ETV1: variants seen among roughly 807,000 people sequenced by gnomAD.
The protein encoded by ETV1 is ETS translocation variant 1.
ETV1 carries 27 observed loss-of-function variants against 62.3 expected under a neutral mutation model. The observed-to-expected ratio is 0.43, with a 90% confidence interval of 0.32 to 0.60. ETV1 has a LOEUF of 0.60. Ranked by LOEUF, ETV1 falls within the 20% of genes least tolerant of loss-of-function variation. ETV1 has a pLI of 0.06. For synonymous variants in ETV1, 222 were observed against 199.6 expected (o/e 1.11, Z -0.94); for missense variants, 605 against 605.8 (o/e 1.00, Z 0.01).
At chr7:13,909,357 G>T (rs1783317327) in intron 11 of ETV1, among the ~76,000 whole-genome samples, 1 of 152,120 alleles carries the variant, frequency 6.6e-6, no homozygotes, top group Non-Finnish European at 1.5e-5. Flanking sequence ...CAGGGCAATG[G>T]AAAGCCCCCT....
In ETV1 at chr7:13,942,020, C is replaced by CT. The variant is rs560415338; in HGVS notation, c.236-2775dup. On this transcript the variant is annotated intron_variant, in intron 6 of 13. Transcript: ENST00000430479. ...TTTGTAATACATTAACCATGCATTT[C>CT]TTTTTTTTTTTTTTTTTTTTTGAGA... Among the ~76,000 whole-genome samples, 766 of 99,740 alleles carry CT rather than the reference C, an allele frequency of 7.7e-3. 30 individuals are homozygous for CT. The highest frequency in any genetic ancestry group is 9.3e-3 in the Non-Finnish European group (492 of 52,826). 65.4% of individuals were successfully genotyped at this position (99,740 alleles called of 152,430 possible). A position where few individuals can be genotyped will look rare whatever the true frequency, so the allele number is the denominator to read the frequency against.
intron 6 of ETV1, among the ~76,000 whole-genome samples, chr7:13,950,899 A>AACAC (rs67539493): frequency 0.048 from 6,698 of 138,802 alleles, 247 homozygotes; most frequent in African/African-American, 0.11. Context: ...CTTCTCTAGG[A>AACAC]ACACACACAC....
chr7:13,922,617 C>T (rs1212891881), intron 9 of ETV1, among the ~76,000 whole-genome samples: 1 of 152,150 alleles, frequency 6.6e-6, no homozygotes, highest in East Asian at 1.9e-4. Flanking sequence ...AAGACACACA[C>T]ACATAGAATG....
rs1013608885 is a variant in ETV1 at position 13,914,653 on chromosome 7, G to A, written c.803-3346C>T. On this transcript the variant is annotated intron_variant, in intron 9 of 13. Transcript: ENST00000430479. ...AAAAAAAAAAGTTACCTTCTTCTCT[G>A]TCTCTTGATTTGCATTTTCAAGCTA... Among the ~76,000 whole-genome samples the A allele has an allele frequency of 4.7e-5, 7 of 150,272 alleles. No individual in the cohort carries two copies. The East Asian group carries it at 1.4e-3, about 29-fold the overall frequency.
rs71033966 is a variant in ETV1 at position 13,970,263 on chromosome 7, A to AACACACACAC, written c.235+7154_235+7163dup. ...GCGACAGAGCGAGACCCCATCTCAA[A>AACACACACAC]ACACACACACACACACACACACACA... On this transcript the variant is annotated intron_variant, in intron 6 of 13. Coordinates refer to ENST00000430479, the MANE Select transcript of ETV1 (RefSeq NM_004956.5). 3.0e-3 allele frequency among the ~76,000 whole-genome samples: 377 copies of AACACACACAC among 126,578 alleles called. 1 individual carries two copies. The highest frequency in any genetic ancestry group is 4.6e-3 in the East Asian group (19 of 4,166). The allele number at this position is 126,578 out of a possible 152,430, so 83.0% of individuals were successfully genotyped here. A position where few individuals can be genotyped will look rare whatever the true frequency, so the allele number is the denominator to read the frequency against.
At chr7:13,947,822 A>G (rs1788351425) in intron 6 of ETV1, among the ~76,000 whole-genome samples, 1 of 152,210 alleles carries the variant, frequency 6.6e-6, no homozygotes, top group Non-Finnish European at 1.5e-5. Context: ...GTGAAGGAAT[A>G]TGGAGCTATG....
chr7:13,940,926 C>A (rs1266978056), intron 6 of ETV1, among the ~76,000 whole-genome samples: 3 of 152,234 alleles, frequency 2.0e-5, no homozygotes, highest in South Asian at 4.1e-4. Flanking sequence ...GCCAAATACG[C>A]ACATTTTACT....
chr7:13,963,480 C>G (rs2282869), intron 6 of ETV1, among the ~76,000 whole-genome samples: 1 of 149,244 alleles, frequency 6.7e-6, no homozygotes, highest in Non-Finnish European at 1.5e-5. Context: ...TATTCACAAC[C>G]ATTGAAATTT....
chr7:13,961,389 T>C (rs1313297991), intron 6 of ETV1, among the ~76,000 whole-genome samples: 1 of 152,114 alleles, frequency 6.6e-6, no homozygotes. Context: ...TACCACTTCA[T>C]TGCAAATAGT....
chr7:13,905,497 G>C (rs1256630113), intron 12 of ETV1, among the ~76,000 whole-genome samples: 1 of 152,130 alleles, frequency 6.6e-6, no homozygotes, highest in South Asian at 2.1e-4. Flanking sequence ...ACAACAATTT[G>C]ATATTAACTT....
At chr7:13,977,776 G>A (rs368949867) in intron 5 of ETV1, among the ~76,000 whole-genome samples, 14 of 152,180 alleles carry the variant, frequency 9.2e-5, no homozygotes, top group African/African-American at 3.4e-4. Context: ...AATAAAGAAA[G>A]CTATAGAATT....
At position 13,904,874 on chromosome 7, in the gene ETV1, G is replaced by C. The variant is rs917144585; in HGVS notation, c.1110+1556C>G. ...TGGTTCTTTCACTTACATCATGTGA[G>C]AGTATCTATGAAAAAACTAATCTTC... On this transcript the variant is annotated intron_variant, in intron 12 of 13. Coordinates refer to ENST00000430479, the MANE Select transcript of ETV1 (RefSeq NM_004956.5). Among the ~76,000 whole-genome samples the C allele has an allele frequency of 2.0e-5, 3 of 151,026 alleles. No individual in the cohort carries two copies. The South Asian group carries it at 6.4e-4, about 32-fold the overall frequency.
chr7:13,919,359 G>A (rs1784557025), intron 9 of ETV1, among the ~76,000 whole-genome samples: 1 of 151,456 alleles, frequency 6.6e-6, no homozygotes, highest in African/African-American at 2.4e-5. Flanking sequence ...AGATGGAGCA[G>A]TGAAATGTAC....
At chr7:13,950,458 G>A (rs1407122990) in intron 6 of ETV1, among the ~76,000 whole-genome samples, 1 of 152,074 alleles carries the variant, frequency 6.6e-6, no homozygotes, top group African/African-American at 2.4e-5. Context: ...TTGCCAGGGT[G>A]TACCTAAATG....
At chr7:13,944,640 G>A (rs1401824586) in intron 6 of ETV1, among the ~76,000 whole-genome samples, 2 of 145,110 alleles carry the variant, frequency 1.4e-5, no homozygotes, top group Non-Finnish European at 2.9e-5. Context: ...GCTGATCCCT[G>A]AACACAGGAG....
rs10554441 is a variant in ETV1, at chr7:13,978,398, A to AAC, written c.182-920_182-919dup. ...TCACAAACACACATAAATACATGCA[A>AAC]ACACACACACACACACACACGCCCA... is the stretch of plus-strand genomic sequence containing the variant. On this transcript the variant is annotated intron_variant, in intron 5 of 13. Coordinates refer to ENST00000430479, the MANE Select transcript of ETV1 (RefSeq NM_004956.5). 5.0e-3 allele frequency among the ~76,000 whole-genome samples: 759 copies of AAC among 150,784 alleles called. 5 individuals are homozygous for AAC. The highest frequency in any genetic ancestry group is 6.5e-3 in the Non-Finnish European group (436 of 67,520).
chr7:13,977,910 A>G (rs556706391), intron 5 of ETV1, among the ~76,000 whole-genome samples: 1 of 152,280 alleles, frequency 6.6e-6, no homozygotes, highest in East Asian at 1.9e-4. Flanking sequence ...CAGTTATCAC[A>G]CACGTCTCTC....
chr7:13,955,859 C>G (rs59437625), intron 6 of ETV1, among the ~76,000 whole-genome samples: 1 of 152,110 alleles, frequency 6.6e-6, no homozygotes, highest in Non-Finnish European at 1.5e-5. Flanking sequence ...GAACACATCT[C>G]TAATTTTTCA....
At chr7:13,900,434 G>A (rs1393212086) in intron 13 of ETV1, 6 of 270,220 alleles carry the variant, frequency 2.2e-5, no homozygotes, top group Admixed American at 1.1e-4. Context: ...TAGACAATGT[G>A]CAATAAAAAC....
Sources: gnomAD v4.1 joint callset for allele counts (sites outside exome capture counted in the v4.1 genomes callset) on GRCh38, gnomAD v4.1.1 for gene constraint, MANE v1.5 for transcripts, NCBI Gene and HGNC (gene_info 2026-07-23, HGNC 2026-07-21) for gene names.